Variants in NRG1 observed in about 807,000 individuals in gnomAD.
NRG1 encodes pro-neuregulin-1, membrane-bound isoform.
In NRG1, 18 loss-of-function variants were observed where a neutral mutation model predicts 63.8. The observed-to-expected ratio is 0.28, with a 90% CI of 0.19 to 0.42. NRG1 has a LOEUF of 0.42. Among genes scored for constraint, NRG1 ranks in the 10% least tolerant of loss-of-function variants. NRG1 has a pLI of 1.00. For missense variants in NRG1, 762 were observed against 814.7 expected, an observed-to-expected ratio of 0.94 and a Z score of 0.79; for synonymous variants, 302 against 301.3, an observed-to-expected ratio of 1.00 and a Z score of -0.02.
intron 5 of NRG1, among the ~76,000 whole-genome samples, chr8:32,620,281 T>A (rs1563783599): frequency 1.3e-5 from 2 of 152,220 alleles, no homozygotes. Context: ...ATTGTGCCTG[T>A]ACCGGCTACA....
At chr8:31,919,929 G>A (rs1019554414) in intron 1 of NRG1, among the ~76,000 whole-genome samples, 2 of 152,070 alleles carry the variant, frequency 1.3e-5, no homozygotes, top group South Asian at 2.1e-4. Flanking sequence ...GTGTGGATAT[G>A]TATTTTATAT....
chr8:31,680,728 A>C (rs527838684), intron 1 of NRG1, among the ~76,000 whole-genome samples: 130 of 152,108 alleles, frequency 8.5e-4, no homozygotes, highest in Admixed American at 3.5e-3. Flanking sequence ...TGACTTCCAC[A>C]ATGGTTGAAC....
intron 5 of NRG1, among the ~76,000 whole-genome samples, chr8:32,631,529 A>G (rs1468673887): frequency 1.3e-5 from 2 of 152,186 alleles, no homozygotes; most frequent in Admixed American, 1.3e-4. Context: ...CTGTAACTAC[A>G]TGAACTCTTA....
intron 1 of NRG1, among the ~76,000 whole-genome samples, chr8:31,790,688 C>T (rs757438907): frequency 1.3e-5 from 2 of 152,152 alleles, no homozygotes; most frequent in Non-Finnish European, 2.9e-5. Context: ...GACAGTCATG[C>T]TTTCCTCCAT....
chr8:31,840,653 T>C (rs769949670), intron 1 of NRG1, among the ~76,000 whole-genome samples: 1 of 152,172 alleles, frequency 6.6e-6, no homozygotes, highest in Non-Finnish European at 1.5e-5. Context: ...AAATCACTAG[T>C]GCACTACACA....
At position 32,222,475 on chromosome 8, in the gene NRG1, A is replaced by C. The variant is rs369219907; in HGVS notation, c.38-373353A>C. On this transcript the variant is annotated intron_variant, in intron 1 of 10. Transcript: ENST00000519301. ...ATCTTTGAAACTGTTAACCCCTAGA[A>C]ACAGAAAGAAAGAAAGAAAAAAAGA... Among the ~76,000 whole-genome samples, 7 of 152,286 alleles carry C rather than the reference A, an allele frequency of 4.6e-5. No homozygotes were observed. The East Asian group carries it at 1.3e-3, about 29-fold the overall frequency.
At chr8:32,218,003 A>C (rs1845422871) in intron 1 of NRG1, among the ~76,000 whole-genome samples, 1 of 152,238 alleles carries the variant, frequency 6.6e-6, no homozygotes, top group African/African-American at 2.4e-5. Flanking sequence ...TTGAAGTCAG[A>C]GTACCAGTCT....
chr8:31,744,723 G>A (rs1815676711), intron 1 of NRG1, among the ~76,000 whole-genome samples: 1 of 151,938 alleles, frequency 6.6e-6, no homozygotes, highest in Non-Finnish European at 1.5e-5. Context: ...ACACACACAG[G>A]AAGCTGTGTC....
chr8:31,833,581 GT>G (rs1825382428), intron 1 of NRG1, among the ~76,000 whole-genome samples: 1 of 152,140 alleles, frequency 6.6e-6, no homozygotes, highest in South Asian at 2.1e-4. Context: ...TGCTCAATAG[GT>G]TTTTTAATAA....
chr8:32,540,390 A>C (rs2129520725), intron 1 of NRG1, among the ~76,000 whole-genome samples: 1 of 152,334 alleles, frequency 6.6e-6, no homozygotes, highest in South Asian at 2.1e-4. Context: ...ATTATTATGA[A>C]AATAAAAATG....
intron 1 of NRG1, among the ~76,000 whole-genome samples, chr8:32,574,883 C>G (rs898522606): frequency 2.6e-5 from 4 of 152,212 alleles, no homozygotes; most frequent in African/African-American, 9.6e-5. Context: ...ACCTAACTCT[C>G]CTATGTTAGT....
chr8:32,117,077 G>C (rs746436099), intron 1 of NRG1, among the ~76,000 whole-genome samples: 4 of 151,832 alleles, frequency 2.6e-5, no homozygotes, highest in Non-Finnish European at 5.9e-5. Flanking sequence ...AGGAGGTCCA[G>C]GTTGCAGAGA....
intron 1 of NRG1, among the ~76,000 whole-genome samples, chr8:31,959,286 T>C (rs1216015978): frequency 6.6e-6 from 1 of 152,226 alleles, no homozygotes; most frequent in East Asian, 1.9e-4. Context: ...TTTGTATTAA[T>C]GAATACAATT....
At chr8:32,420,692 G>T (rs547581901) in intron 1 of NRG1, among the ~76,000 whole-genome samples, 2 of 152,240 alleles carry the variant, frequency 1.3e-5, no homozygotes, top group South Asian at 2.1e-4. Context: ...ACAATGTAGG[G>T]ATTTGTCAGG....
At chr8:32,365,504 T>A (rs767344460) in intron 1 of NRG1, among the ~76,000 whole-genome samples, 7 of 152,164 alleles carry the variant, frequency 4.6e-5, no homozygotes, top group Non-Finnish European at 8.8e-5. Context: ...TTATGGGTTC[T>A]TTTTTTATTT....
intron 1 of NRG1, among the ~76,000 whole-genome samples, chr8:31,902,724 A>G (rs1832189353): frequency 6.6e-6 from 1 of 152,190 alleles, no homozygotes; most frequent in Non-Finnish European, 1.5e-5. Context: ...GGTGGGTTTT[A>G]ACAGACATAT....
chr8:32,528,377 G>T (rs1831101521), intron 1 of NRG1, among the ~76,000 whole-genome samples: 1 of 152,196 alleles, frequency 6.6e-6, no homozygotes, highest in African/African-American at 2.4e-5. Context: ...GTAAGTGTTG[G>T]ATATGTGCAC....
intron 1 of NRG1, among the ~76,000 whole-genome samples, chr8:31,872,039 TC>T (rs1414399905): frequency 6.6e-6 from 1 of 152,198 alleles, no homozygotes; most frequent in African/African-American, 2.4e-5. Flanking sequence ...GCCCTTGGTC[TC>T]CCTTGACTTT....
intron 1 of NRG1, among the ~76,000 whole-genome samples, chr8:32,188,655 A>G (rs2132169370): frequency 6.6e-6 from 1 of 152,248 alleles, no homozygotes; most frequent in Middle Eastern, 3.4e-3. Flanking sequence ...ACTAAGGAAG[A>G]ATGGTTAAAG....
Sources: gnomAD v4.1 joint callset for allele counts (sites outside exome capture counted in the v4.1 genomes callset) on GRCh38, gnomAD v4.1.1 for gene constraint, MANE v1.5 for transcripts, NCBI Gene and HGNC (gene_info 2026-07-23, HGNC 2026-07-21) for gene names.